The following EHBP1 variants were observed in gnomAD, a reference collection of about 807,000 sequenced individuals.
The protein encoded by EHBP1 is EH domain binding protein 1, also known as EH domain-binding protein 1.
EHBP1 carries 55 observed loss-of-function variants against 144.0 expected under a neutral mutation model. The ratio of observed to expected loss-of-function variants is 0.38; its 90% CI spans 0.31 to 0.48. The LOEUF is 0.48. EHBP1 is among the 20% of genes least tolerant of loss of function. The probability of loss-of-function intolerance (pLI) is 0.98; values close to 1 mark genes in which losing one functional copy is unlikely to be tolerated. For synonymous variants in EHBP1, 469 were observed against 472.7 expected, an observed-to-expected ratio of 0.99 and a Z score of 0.10; for missense variants, 1,200 against 1,364.2, an observed-to-expected ratio of 0.88 and a Z score of 1.90.
chr2:62,824,649 AATTC>A (rs2046219405), intron 5 of EHBP1, among the ~76,000 whole-genome samples: 1 of 151,956 alleles, frequency 6.6e-6, no homozygotes, highest in Non-Finnish European at 1.5e-5. Context: ...GCATTTTTGA[AATTC>A]ATTCATAAGG....
intron 16 of EHBP1, among the ~76,000 whole-genome samples, chr2:62,992,264 T>TA (rs944658115): frequency 3.3e-5 from 5 of 152,164 alleles, no homozygotes; most frequent in East Asian, 3.9e-4. Flanking sequence ...TATTTTTCTT[T>TA]AAAAAAATAG....
intron 18 of EHBP1, among the ~76,000 whole-genome samples, chr2:62,995,393 A>G (rs562251060): frequency 1.3e-3 from 196 of 152,192 alleles, no homozygotes; most frequent in African/African-American, 4.5e-3. Context: ...ATGAGTACAA[A>G]TTACTTACCA....
intron 2 of EHBP1, among the ~76,000 whole-genome samples, chr2:62,731,553 T>C (rs2037603990): frequency 6.6e-6 from 1 of 152,174 alleles, no homozygotes; most frequent in Non-Finnish European, 1.5e-5. Flanking sequence ...GTAGACGTTC[T>C]TTATCAAGTT....
In EHBP1 at chr2:62,706,888, G is replaced by T; in HGVS notation, c.-295-9G>T. On this transcript the variant is annotated splice_polypyrimidine_tract_variant and intron_variant, in intron 1 of 22. Transcript: ENST00000431489. ...TTCTTTCTCTTTTTGTCTTTGTTTT[G>T]CTTTTCAGCCCTCCAGAATACCCAT... The T allele has an allele frequency of 3.7e-6, 1 of 268,394 alleles. No individual in the cohort carries two copies. The highest frequency in any genetic ancestry group is 7.2e-6 in the Non-Finnish European group (1 of 139,404). The allele number at this position is 268,394 out of a possible 1,614,324, so 16.6% of individuals were successfully genotyped here. A position where few individuals can be genotyped will look rare whatever the true frequency, so the allele number is the denominator to read the frequency against.
chr2:63,042,022 C>G (rs1046617695), intron 21 of EHBP1, among the ~76,000 whole-genome samples: 4 of 152,060 alleles, frequency 2.6e-5, no homozygotes, highest in African/African-American at 9.7e-5. Context: ...CAGCTCAGTG[C>G]AGATGGACAT....
chr2:62,913,691 C>T (rs1403474191), intron 10 of EHBP1, among the ~76,000 whole-genome samples: 1 of 152,142 alleles, frequency 6.6e-6, no homozygotes, highest in East Asian at 1.9e-4. Context: ...CATCTATGAG[C>T]TACTTTTACA....
chr2:62,982,818 A>G (rs1174545490), intron 15 of EHBP1, among the ~76,000 whole-genome samples: 1 of 152,232 alleles, frequency 6.6e-6, no homozygotes, highest in Non-Finnish European at 1.5e-5. Context: ...GTTCTCAAGC[A>G]GCAACCAGCC....
Position 63,045,049 on chromosome 2 carries a change from C to T in EHBP1, c.3278-17C>T, listed in dbSNP as rs2061887645. The T allele has an allele frequency of 2.6e-6, 4 of 1,535,648 alleles. No individual in the cohort carries two copies. Among genetic ancestry groups the T allele is most frequent in the Non-Finnish European group, 3.5e-6 (4 of 1,133,386 alleles). On this transcript the variant is annotated splice_polypyrimidine_tract_variant and intron_variant, in intron 21 of 22. Coordinates refer to ENST00000431489, the MANE Select transcript of EHBP1 (RefSeq NM_001142616.3). This position sits in a 1 kb window ranked among gnomAD's most constrained non-coding sequence, Gnocchi z 5.7. ...GGAGGCCCTGCCGGTGGGTAACTAG[C>T]CTCCCGTCTTCTGCAGACTGGCAGA...
chr2:62,846,036 T>G (rs2048270279), intron 7 of EHBP1, among the ~76,000 whole-genome samples: 1 of 152,212 alleles, frequency 6.6e-6, no homozygotes, highest in African/African-American at 2.4e-5. Flanking sequence ...GAATATATCT[T>G]TGCAGTCTTA....
At chr2:63,044,792 C>G (rs901255655) in intron 21 of EHBP1, 5 of 269,802 alleles carry the variant, frequency 1.9e-5, no homozygotes, top group Non-Finnish European at 2.8e-5. Context: ...GATTCAGGTG[C>G]GCACCTCAGG....
intron 2 of EHBP1, among the ~76,000 whole-genome samples, chr2:62,721,564 G>T (rs1037090305): frequency 1.3e-5 from 2 of 152,188 alleles, no homozygotes; most frequent in Admixed American, 1.3e-4. Context: ...ATACTGGGGG[G>T]AAGATGCTTT....
intron 11 of EHBP1, 103 bp downstream of exon 11, chr2:62,942,999 G>GT: frequency 1.2e-6 from 1 of 868,960 alleles, no homozygotes; most frequent in Non-Finnish European, 1.7e-6. Context: ...ATTTATATTT[G>GT]TTTTATTACC....
At chr2:62,863,301 G>A (rs149420147) in intron 8 of EHBP1, among the ~76,000 whole-genome samples, 74 of 141,270 alleles carry the variant, frequency 5.2e-4, no homozygotes, top group Admixed American at 7.8e-4. Flanking sequence ...ACACACACAC[G>A]TACCATTGTT....
At chr2:63,003,797 G>C (rs2059932691) in intron 19 of EHBP1, among the ~76,000 whole-genome samples, 1 of 151,996 alleles carries the variant, frequency 6.6e-6, no homozygotes, top group Admixed American at 6.6e-5. Context: ...AACTTGTTAT[G>C]CCTTCACCAG....
intron 19 of EHBP1, among the ~76,000 whole-genome samples, chr2:62,998,946 G>T (rs1489156994): frequency 6.6e-6 from 1 of 152,120 alleles, no homozygotes. Flanking sequence ...GAGATAAGAT[G>T]TTAGAAAGTG....
chr2:62,996,832 T>G, intron 19 of EHBP1, 66 bp downstream of exon 19: 4 of 1,571,912 alleles, frequency 2.5e-6, no homozygotes, highest in Non-Finnish European at 3.4e-6. Context: ...CTTATAGAGT[T>G]TTGGAAGTGT....
intron 19 of EHBP1, among the ~76,000 whole-genome samples, chr2:63,015,798 A>G (rs576436568): frequency 7.9e-5 from 12 of 152,158 alleles, no homozygotes; most frequent in Admixed American, 3.3e-4. Context: ...TTAAAAAGTG[A>G]AGGTGTGTCA....
rs753395076 is a variant in EHBP1, at chr2:63,045,379, TTCCTGTTTG to T, written c.3393-19_3393-11del. 2.0e-5 allele frequency: 32 copies of T among 1,602,876 alleles called. No individual in the cohort carries two copies. The East Asian group carries it at 5.6e-4, about 28-fold the overall frequency. On this transcript the variant is annotated intron_variant, in intron 22 of 22. Transcript: ENST00000431489. The surrounding 1 kb of genome is among the most constrained non-coding windows in gnomAD (Gnocchi z 5.7). Reference sequence around the variant, plus strand: ...CCTCCACGAAGAAAAATAATTTTGTTTCCTGTTTGTCCTGTTTGTCTGACATCCAGGGCC... The same window carrying T: ...CCTCCACGAAGAAAAATAATTTTGTTTCCTGTTTGTCTGACATCCAGGGCC...
At chr2:63,020,980 A>ATTT (rs761382729) in intron 19 of EHBP1, among the ~76,000 whole-genome samples, 913 of 68,574 alleles carry the variant, frequency 0.013, 164 homozygotes, top group Non-Finnish European at 0.017. Flanking sequence ...GCCTGGCCTC[A>ATTT]TTTTTTTTTT....
Sources: gnomAD v4.1 joint callset for allele counts (sites outside exome capture counted in the v4.1 genomes callset) on GRCh38, gnomAD v4.1.1 for gene constraint, Gnocchi (gnomAD v3.1) non-coding constraint, MANE v1.5 for transcripts, NCBI Gene and HGNC (gene_info 2026-07-23, HGNC 2026-07-21) for gene names.